NRCAM: variants seen among roughly 807,000 people sequenced by gnomAD.
NRCAM encodes the protein neuronal cell adhesion molecule, also known as NgCAM-related cell adhesion molecule.
Under a neutral mutation model 156.5 loss-of-function variants are expected in NRCAM, and 83 were observed. The observed-to-expected ratio is 0.53, with a 90% CI of 0.44 to 0.64. NRCAM has a LOEUF of 0.64. Among genes scored for constraint, NRCAM ranks in the 30% least tolerant of loss-of-function variants. The pLI is 0.00. For missense variants in NRCAM, 1,417 were observed against 1,597.3 expected, an observed-to-expected ratio of 0.89 and a Z score of 1.92; for synonymous variants, 538 against 563.9, an observed-to-expected ratio of 0.95 and a Z score of 0.65.
At chr7:108,456,676 G>C (rs1857713931), upstream of NRCAM, 2 of 152,194 alleles carry the variant, frequency 1.3e-5, no homozygotes, top group African/African-American at 4.8e-5. Flanking sequence ...TCACCTGAGC[G>C]GCCGCCCCAC....
intron 3 of NRCAM, among the ~76,000 whole-genome samples, chr7:108,295,866 C>G (rs1356057771): frequency 6.6e-6 from 1 of 152,194 alleles, no homozygotes; most frequent in Non-Finnish European, 1.5e-5. Context: ...GGACCAGAGC[C>G]TCTGCAGGGC....
At chr7:108,257,715 G>A (rs1458924869) in intron 3 of NRCAM, among the ~76,000 whole-genome samples, 4 of 152,054 alleles carry the variant, frequency 2.6e-5, no homozygotes, top group East Asian at 3.9e-4. Context: ...ATAAGGGTTC[G>A]TGACAATTTT....
intron 2 of NRCAM, among the ~76,000 whole-genome samples, chr7:108,392,710 T>G (rs558465033): frequency 6.6e-6 from 1 of 152,320 alleles, no homozygotes; most frequent in South Asian, 2.1e-4. Flanking sequence ...TTATCTACCT[T>G]TGGTCTTTGA....
chr7:108,407,533 C>T (rs1364914643), intron 1 of NRCAM, among the ~76,000 whole-genome samples: 1 of 152,178 alleles, frequency 6.6e-6, no homozygotes, highest in Non-Finnish European at 1.5e-5. Context: ...CTGCTCAGAG[C>T]ACAGCCAGCC....
At chr7:108,295,345 A>T (rs1015185818) in intron 3 of NRCAM, among the ~76,000 whole-genome samples, 5 of 152,240 alleles carry the variant, frequency 3.3e-5, no homozygotes, top group African/African-American at 1.2e-4. Flanking sequence ...TCAGGCTGTT[A>T]TAACAAAGTA....
intron 1 of NRCAM, among the ~76,000 whole-genome samples, chr7:108,432,897 A>G (rs1332321063): frequency 1.3e-5 from 2 of 151,586 alleles, no homozygotes; most frequent in African/African-American, 2.4e-5. Context: ...TGAAAAAAGA[A>G]AGAGAGAGAG....
At chr7:108,342,761 C>T (rs2099306114) in intron 2 of NRCAM, among the ~76,000 whole-genome samples, 1 of 152,202 alleles carries the variant, frequency 6.6e-6, no homozygotes, top group African/African-American at 2.4e-5. Flanking sequence ...GTAGTGGCGG[C>T]AGTAGCAGTC....
intron 29 of NRCAM, 83 bp downstream of exon 29, chr7:108,168,194 A>G (rs12537654): frequency 0.74 from 975,256 of 1,316,092 alleles, 373,557 homozygotes; most frequent in East Asian, 0.81. Context: ...AAGATGATCC[A>G]TAGTAAATTC....
At chr7:108,225,847 C>A (rs2093356091) in intron 9 of NRCAM, 146 bp from the exon 10 acceptor site, 1 of 687,606 alleles carries the variant, frequency 1.5e-6, no homozygotes. Context: ...TTGTACATGA[C>A]TAACTCATTA....
intron 2 of NRCAM, among the ~76,000 whole-genome samples, chr7:108,344,287 G>C (rs922137988): frequency 6.6e-6 from 1 of 152,070 alleles, no homozygotes; most frequent in Non-Finnish European, 1.5e-5. Context: ...CGACCAATCA[G>C]GTAGTAAAGA....
At chr7:108,162,829 T>C (rs2050085586) in intron 30 of NRCAM, among the ~76,000 whole-genome samples, 2 of 152,128 alleles carry the variant, frequency 1.3e-5, no homozygotes, top group South Asian at 2.1e-4. Context: ...ACACCAGAAA[T>C]TGATATAAAA....
chr7:108,418,110 C>A (rs1457084078), intron 1 of NRCAM, among the ~76,000 whole-genome samples: 2 of 152,116 alleles, frequency 1.3e-5, no homozygotes. Flanking sequence ...CAAGAAATGA[C>A]TTCTAGGTGA....
chr7:108,442,481 T>C (rs971677272), intron 1 of NRCAM, among the ~76,000 whole-genome samples: 6 of 152,322 alleles, frequency 3.9e-5, no homozygotes, highest in African/African-American at 1.4e-4. Flanking sequence ...CAGTAACTGG[T>C]TTCCCAAGAT....
intron 3 of NRCAM, among the ~76,000 whole-genome samples, chr7:108,263,747 A>T (rs1026011171): frequency 6.6e-6 from 1 of 152,236 alleles, no homozygotes; most frequent in African/African-American, 2.4e-5. Flanking sequence ...GCTAATTTTC[A>T]TGTTGGGTGG....
chr7:108,270,244 A>T (rs186084338), intron 3 of NRCAM, among the ~76,000 whole-genome samples: 6 of 152,354 alleles, frequency 3.9e-5, no homozygotes. Context: ...TTTCTGGTAC[A>T]TCCTGGATTC....
At chr7:108,266,870 C>T (rs2097126220) in intron 3 of NRCAM, among the ~76,000 whole-genome samples, 1 of 151,472 alleles carries the variant, frequency 6.6e-6, no homozygotes, top group Non-Finnish European at 1.5e-5. Flanking sequence ...AAAGGACATT[C>T]CTGTCAGTAA....
At chr7:108,416,863 C>T (rs1563714019) in intron 1 of NRCAM, among the ~76,000 whole-genome samples, 1 of 152,188 alleles carries the variant, frequency 6.6e-6, no homozygotes, top group Non-Finnish European at 1.5e-5. Context: ...TCAAACAGCA[C>T]CTACTCTTGC....
intron 3 of NRCAM, among the ~76,000 whole-genome samples, chr7:108,265,100 C>T (rs977246506): frequency 3.3e-5 from 5 of 152,126 alleles, no homozygotes; most frequent in African/African-American, 9.7e-5. Context: ...GCTGAGTGTG[C>T]GGGAGCCGTG....
chr7:108,338,205 C>A (rs1454865122), intron 2 of NRCAM, among the ~76,000 whole-genome samples: 1 of 152,208 alleles, frequency 6.6e-6, no homozygotes, highest in Non-Finnish European at 1.5e-5. Context: ...CCCATGCATG[C>A]GCCCCTATCT....
Sources: gnomAD v4.1 joint callset for allele counts (sites outside exome capture counted in the v4.1 genomes callset) on GRCh38, gnomAD v4.1.1 for gene constraint, MANE v1.5 for transcripts, NCBI Gene and HGNC (gene_info 2026-07-23, HGNC 2026-07-21) for gene names.